The following SLC4A10 variants were observed in gnomAD, a reference collection of about 807,000 sequenced individuals.
SLC4A10 encodes solute carrier family 4 member 10.
A neutral mutation model predicts 137.7 loss-of-function variants in SLC4A10; 42 were observed. That is an observed-to-expected ratio of 0.30 (90% CI 0.24 to 0.39). The LOEUF (loss-of-function observed/expected upper bound fraction) is 0.39, where lower values mean the gene tolerates loss of function less well. Among genes scored for constraint, SLC4A10 ranks in the 10% least tolerant of loss-of-function variants. The pLI is 1.00. For synonymous variants in SLC4A10, 474 were observed against 464.1 expected (o/e 1.02, Z -0.27); for missense variants, 925 against 1,355.0 (o/e 0.68, Z 4.98).
intron 4 of SLC4A10, among the ~76,000 whole-genome samples, chr2:161,854,598 A>G (rs2060000030): frequency 6.6e-6 from 1 of 152,200 alleles, no homozygotes; most frequent in Non-Finnish European, 1.5e-5. Flanking sequence ...AAAAATAAGT[A>G]TTCTTTCATT....
At chr2:161,819,642 C>A (rs2057442296) in intron 3 of SLC4A10, among the ~76,000 whole-genome samples, 1 of 151,946 alleles carries the variant, frequency 6.6e-6, no homozygotes, top group South Asian at 2.1e-4. Flanking sequence ...TTACAGGCAC[C>A]TGCCACCACA....
intron 15 of SLC4A10, among the ~76,000 whole-genome samples, chr2:161,935,570 T>C (rs1258976566): frequency 6.6e-6 from 1 of 152,174 alleles, no homozygotes; most frequent in East Asian, 1.9e-4. Flanking sequence ...TTTTATAGTT[T>C]TCAGTGTACA....
intron 15 of SLC4A10, among the ~76,000 whole-genome samples, chr2:161,936,677 A>T (rs1215730376): frequency 1.3e-5 from 2 of 151,280 alleles, no homozygotes; most frequent in African/African-American, 4.9e-5. Context: ...TCTTTCCTTT[A>T]TTCTTGGTCT....
At chr2:161,663,680 A>G (rs564312465) in intron 1 of SLC4A10, among the ~76,000 whole-genome samples, 92 of 152,228 alleles carry the variant, frequency 6.0e-4, no homozygotes, top group African/African-American at 1.9e-3. Flanking sequence ...AAGGGGAAGC[A>G]GGACACTGTG....
intron 2 of SLC4A10, among the ~76,000 whole-genome samples, chr2:161,782,851 C>T (rs772370476): frequency 9.3e-5 from 14 of 150,010 alleles, no homozygotes; most frequent in African/African-American, 2.7e-4. Flanking sequence ...AAAGGACTTA[C>T]GAGACACCAT....
At chr2:161,632,503 C>A (rs2033739117) in intron 1 of SLC4A10, among the ~76,000 whole-genome samples, 1 of 151,510 alleles carries the variant, frequency 6.6e-6, no homozygotes, top group African/African-American at 2.4e-5. Flanking sequence ...TATTTTAGTG[C>A]ATAACCATGT....
At chr2:161,769,539 T>C (rs1406259611) in intron 1 of SLC4A10, among the ~76,000 whole-genome samples, 1 of 151,946 alleles carries the variant, frequency 6.6e-6, no homozygotes, top group African/African-American at 2.4e-5. Context: ...CCTCATTAGT[T>C]TTGCTTGATT....
intron 4 of SLC4A10, among the ~76,000 whole-genome samples, chr2:161,845,452 C>A (rs2059430968): frequency 6.6e-6 from 1 of 152,018 alleles, no homozygotes; most frequent in Non-Finnish European, 1.5e-5. Flanking sequence ...GTACATCAAA[C>A]CATCCATGCA....
At chr2:161,836,600 G>T (rs1575202584) in intron 3 of SLC4A10, among the ~76,000 whole-genome samples, 1 of 25,372 alleles carries the variant, frequency 3.9e-5, no homozygotes. Flanking sequence ...AAGAAAGAAA[G>T]GAAGGAAGGA....
At chr2:161,746,795 C>T (rs890207609) in intron 1 of SLC4A10, among the ~76,000 whole-genome samples, 2 of 152,138 alleles carry the variant, frequency 1.3e-5, no homozygotes, top group Non-Finnish European at 2.9e-5. Context: ...CTTTAGTCAG[C>T]AGGTGATGAA....
chr2:161,694,085 A>T lies in SLC4A10; in HGVS notation c.48+69519A>T, dbSNP rs540053955. On this transcript the variant is annotated intron_variant, in intron 1 of 26. Coordinates refer to ENST00000446997, the MANE Select transcript of SLC4A10 (RefSeq NM_001178015.2). ...TACAGCCCCTTTTCTTTTATTACTC[A>T]CTTTACCTTTATCCTACAATAATTT... is the stretch of plus-strand genomic sequence containing the variant. 3.3e-5 allele frequency among the ~76,000 whole-genome samples: 5 copies of T among 152,032 alleles called. No individual in the cohort carries two copies. The South Asian group carries it at 8.3e-4, about 25-fold the overall frequency.
chr2:161,728,400 C>A (rs1209297878), intron 1 of SLC4A10, among the ~76,000 whole-genome samples: 1 of 152,036 alleles, frequency 6.6e-6, no homozygotes, highest in Non-Finnish European at 1.5e-5. Flanking sequence ...CATGGTGAAA[C>A]CCTGTCTCTA....
chr2:161,883,381 G>A (rs2061966514), intron 10 of SLC4A10, among the ~76,000 whole-genome samples: 1 of 151,852 alleles, frequency 6.6e-6, no homozygotes, highest in Non-Finnish European at 1.5e-5. Context: ...CTTGTTTTGG[G>A]GGTTAAATAT....
At chr2:161,799,640 T>A (rs1439953345) in intron 2 of SLC4A10, among the ~76,000 whole-genome samples, 1 of 151,992 alleles carries the variant, frequency 6.6e-6, no homozygotes, top group Non-Finnish European at 1.5e-5. Context: ...GTCTACCATG[T>A]AACAGGCATT....
intron 1 of SLC4A10, among the ~76,000 whole-genome samples, chr2:161,663,882 G>A (rs1044060029): frequency 5.3e-5 from 8 of 151,980 alleles, no homozygotes; most frequent in East Asian, 3.8e-4. Flanking sequence ...TGATGTTTAT[G>A]TAGAATTGGG....
intron 1 of SLC4A10, among the ~76,000 whole-genome samples, chr2:161,751,742 G>A (rs2125307796): frequency 6.6e-6 from 1 of 151,792 alleles, no homozygotes; most frequent in South Asian, 2.1e-4. Flanking sequence ...TTTTGATTCT[G>A]TAGAAAAATG....
At chr2:161,870,306 G>A (rs1241453364) in intron 6 of SLC4A10, among the ~76,000 whole-genome samples, 3 of 151,532 alleles carry the variant, frequency 2.0e-5, no homozygotes, top group Non-Finnish European at 3.0e-5. Flanking sequence ...CAAATGTTAA[G>A]TTCCGCATAT....
At chr2:161,912,815 T>G in intron 15 of SLC4A10, among the ~76,000 whole-genome samples, 1 of 152,216 alleles carries the variant, frequency 6.6e-6, no homozygotes, top group South Asian at 2.1e-4. Flanking sequence ...GGATTGACTG[T>G]GGCCTCTCTA....
At chr2:161,845,188 G>T (rs892372134) in intron 4 of SLC4A10, among the ~76,000 whole-genome samples, 7 of 152,020 alleles carry the variant, frequency 4.6e-5, no homozygotes, top group Non-Finnish European at 7.4e-5. Flanking sequence ...TATCTTTGAA[G>T]GATGAAATGG....
Sources: allele counts gnomAD v4.1 joint callset (sites outside exome capture counted in the v4.1 genomes callset), GRCh38; gene constraint gnomAD v4.1.1; transcripts MANE v1.5; gene names NCBI Gene and HGNC (gene_info 2026-07-23, HGNC 2026-07-21).